The following LRIG2 variants were observed in gnomAD, a reference collection of about 807,000 sequenced individuals.
LRIG2 encodes leucine rich repeats and immunoglobulin like domains 2, also known as leucine-rich repeats and immunoglobulin-like domains protein 2.
LRIG2 carries 93 observed loss-of-function variants against 107.8 expected under a neutral mutation model. The observed-to-expected ratio is 0.86, with a 90% confidence interval of 0.73 to 1.03. The LOEUF (loss-of-function observed/expected upper bound fraction) is 1.03, where lower values mean the gene tolerates loss of function less well. LRIG2 is among the 50% of genes least tolerant of loss of function. The pLI, the probability that LRIG2 is intolerant of heterozygous loss-of-function variation, is 0.00. For missense variants in LRIG2, 1,226 were observed against 1,296.0 expected, an observed-to-expected ratio of 0.95 and a Z score of 0.83; for synonymous variants, 471 against 470.6, an observed-to-expected ratio of 1.00 and a Z score of -0.01.
intron 1 of LRIG2, among the ~76,000 whole-genome samples, chr1:113,087,416 GCA>G (rs1277747669): frequency 6.6e-6 from 1 of 152,062 alleles, no homozygotes; most frequent in Admixed American, 6.6e-5. Context: ...TGGCACGATC[GCA>G]GCTCACTGCA....
intron 1 of LRIG2, among the ~76,000 whole-genome samples, chr1:113,090,946 G>A (rs1251014100): frequency 1.3e-5 from 2 of 151,492 alleles, no homozygotes; most frequent in Non-Finnish European, 2.9e-5. Flanking sequence ...CTGCCTCCCG[G>A]GTTCAAGTAA....
chr1:113,102,159 T>A (rs1052218682), intron 11 of LRIG2, among the ~76,000 whole-genome samples: 5 of 152,190 alleles, frequency 3.3e-5, no homozygotes, highest in Admixed American at 2.6e-4. Context: ...GGAAGTAAAA[T>A]GAGTTTAGAG....
At chr1:113,106,152 C>T (rs1296533880) in intron 11 of LRIG2, among the ~76,000 whole-genome samples, 3 of 151,822 alleles carry the variant, frequency 2.0e-5, no homozygotes, top group East Asian at 2.0e-4. Context: ...CGCTTGAACC[C>T]GGGAGGCGGA....
intron 11 of LRIG2, among the ~76,000 whole-genome samples, chr1:113,105,259 A>G (rs1654486390): frequency 6.6e-6 from 1 of 152,172 alleles, no homozygotes; most frequent in African/African-American, 2.4e-5. Flanking sequence ...TCCATTCTTC[A>G]TATACTAACC....
At chr1:113,107,101 G>GT (rs1178155382) in intron 11 of LRIG2, among the ~76,000 whole-genome samples, 1 of 151,884 alleles carries the variant, frequency 6.6e-6, no homozygotes, top group Non-Finnish European at 1.5e-5. Flanking sequence ...TATATGCACA[G>GT]TTTTTTTGCT....
At position 113,102,929 on chromosome 1, in the gene LRIG2, A is replaced by G. The variant is rs1654366180; in HGVS notation, c.1313+2441A>G. On this transcript the variant is annotated intron_variant, in intron 11 of 17. Transcript: ENST00000361127. Reference sequence around the variant, plus strand: ...AAAGTAGATATTTTGATCTGTTGAGATATTTTGAGTTATTTCTCATAGGCT... The same window carrying G: ...AAAGTAGATATTTTGATCTGTTGAGGTATTTTGAGTTATTTCTCATAGGCT... 1.3e-5 allele frequency among the ~76,000 whole-genome samples: 2 copies of G among 152,188 alleles called. 1 individual carries two copies. Among genetic ancestry groups the G allele is most frequent in the Middle Eastern group, 6.8e-3 (2 of 294 alleles).
chr1:113,077,374 T>G (rs1198878081), intron 1 of LRIG2, among the ~76,000 whole-genome samples: 2 of 152,128 alleles, frequency 1.3e-5, no homozygotes, highest in Non-Finnish European at 2.9e-5. Context: ...ACTCCTGACC[T>G]CAGGTGATCC....
At chr1:113,083,345 CTT>C (rs10641659) in intron 1 of LRIG2, among the ~76,000 whole-genome samples, 4 of 109,034 alleles carry the variant, frequency 3.7e-5, no homozygotes, top group Admixed American at 1.1e-4. Context: ...TGGCTGCTCA[CTT>C]TTTTTTTTTT....
At position 113,124,309 on chromosome 1, in the gene LRIG2, A is replaced by C. The variant is rs1353155327; in HGVS notation, c.*208A>C. 28 of 587,728 alleles carry C rather than the reference A, an allele frequency of 4.8e-5. No individual in the cohort carries two copies. In the East Asian group the frequency reaches 8.0e-4, roughly 17 times the overall value. 36.4% of individuals were successfully genotyped at this position (587,728 alleles called of 1,614,324 possible). A position where few individuals can be genotyped will look rare whatever the true frequency, so the allele number is the denominator to read the frequency against. On this transcript the variant is annotated 3_prime_UTR_variant, in exon 18 of 18. Coordinates refer to ENST00000361127, the MANE Select transcript of LRIG2 (RefSeq NM_014813.3). ...CTGACAGAAATGGGTACAGCTCATC[A>C]AAAATGTGCAGCACCGGCAGAGGGA...
At position 113,100,474 on chromosome 1, in the gene LRIG2, T is replaced by C. The variant is rs148414072; in HGVS notation, c.1299T>C (p.Thr433=). The C allele has an allele frequency of 5.4e-4, 821 of 1,513,722 alleles. 1 individual carries two copies. Among genetic ancestry groups the C allele is most frequent in the South Asian group, 1.4e-3 (125 of 87,134 alleles). 93.8% of individuals were successfully genotyped at this position (1,513,722 alleles called of 1,614,324 possible). Residue 433 remains threonine (T), a synonymous_variant, in exon 11 of 18, where the codon ACT becomes ACC. Transcript: ENST00000361127. ...TCCAAGAAAATGCTTTTTCTCAGAC[T>C]CATTTAAAAGAACTGTAAGTAACTT... ...MSIQENAFSQ[T]HLKELILNTS...
Position 113,112,756 on chromosome 1 carries a change from G to A in LRIG2, c.2076G>A (p.Val692=), listed in dbSNP as rs1380934380. 4.4e-6 allele frequency: 7 copies of A among 1,597,808 alleles called. No homozygotes were observed. Among genetic ancestry groups the A allele is most frequent in the Non-Finnish European group, 6.0e-6 (7 of 1,166,696 alleles). ...TCTCAGCAAATGCTTCCCTAACAGTGTTAGGTACGTTTACTGCTCCATGGG... is the reference window on the plus strand; with the variant it reads ...TCTCAGCAAATGCTTCCCTAACAGTATTAGGTACGTTTACTGCTCCATGGG... ...GGLSANASLT[V]LETPSFIRPL... is the part of the protein sequence containing the mutation. The change falls in exon 14 of 18, where the codon GTG becomes GTA. Residue 692 remains valine, a synonymous_variant. Transcript: ENST00000361127.
rs1655698985 is a variant in LRIG2, at chr1:113,131,438, T to C, written c.*7337T>C. On this transcript the variant is annotated 3_prime_UTR_variant, in exon 18 of 18. Coordinates refer to ENST00000361127, the MANE Select transcript of LRIG2 (RefSeq NM_014813.3). The stretch of plus-strand genomic sequence containing the variant: ...CTGTCATTTTATGCCACATCCTCTT[T>C]TCTTACTTTGCTTCTTGATACAGAT... The C allele has an allele frequency of 2.6e-5, 4 of 152,214 alleles. No homozygotes were observed. The highest frequency in any genetic ancestry group is 4.4e-5 in the Non-Finnish European group (3 of 68,042). The allele number at this position is 152,214 out of a possible 1,614,324, so 9.4% of individuals were successfully genotyped here. A position where few individuals can be genotyped will look rare whatever the true frequency, so the allele number is the denominator to read the frequency against.
At chr1:113,108,909 T>C (rs894623010) in intron 12 of LRIG2, among the ~76,000 whole-genome samples, 1 of 152,154 alleles carries the variant, frequency 6.6e-6, no homozygotes, top group Non-Finnish European at 1.5e-5. Context: ...TAAAGTGGAA[T>C]GACTGATTCT....
At chr1:113,090,897 G>A (rs1653788359) in intron 1 of LRIG2, among the ~76,000 whole-genome samples, 1 of 150,136 alleles carries the variant, frequency 6.7e-6, no homozygotes, top group African/African-American at 2.4e-5. Flanking sequence ...TGTCACCTAC[G>A]CTGGAGTACA....
At chr1:113,100,575 T>C (rs1405412336) in intron 11 of LRIG2, 87 bp downstream of exon 11, 3 of 734,558 alleles carry the variant, frequency 4.1e-6, no homozygotes, top group Non-Finnish European at 4.7e-6. Context: ...ACCCAAGTTA[T>C]TTCCAAAAGC....
chr1:113,114,774 A>C lies in LRIG2; in HGVS notation c.2428A>C (p.Ile810Leu). 1 of 1,614,146 alleles carries C rather than the reference A, an allele frequency of 6.2e-7. No homozygotes were observed. The highest frequency in any genetic ancestry group is 1.1e-5 in the South Asian group (1 of 91,084). ...TGGCTGGACCACAGTTGGCATTGTCATCATTGTTGTGGTCTGCTGTGTTGT... is the reference window on the plus strand; with the variant it reads ...TGGCTGGACCACAGTTGGCATTGTCCTCATTGTTGTGGTCTGCTGTGTTGT... ...DDGWTTVGIV[I>L]IVVVCCVVGT... Residue 810 changes from isoleucine to leucine, a missense_variant, in exon 15 of 18, where the codon ATC (isoleucine) becomes CTC (leucine). Physicochemically the swap from Ile to Leu is conservative, Grantham distance 5. Coordinates refer to ENST00000361127, the MANE Select transcript of LRIG2 (RefSeq NM_014813.3).
chr1:113,073,298 G>C lies in LRIG2; in HGVS notation c.-109G>C. The C allele has an allele frequency of 2.2e-6, 2 of 898,302 alleles. No individual in the cohort carries two copies. The highest frequency in any genetic ancestry group is 1.8e-6 in the Non-Finnish European group (1 of 559,376). 55.6% of individuals were successfully genotyped at this position (898,302 alleles called of 1,614,324 possible). On this transcript the variant is annotated 5_prime_UTR_variant, in exon 1 of 18. Transcript: ENST00000361127. Reference sequence around the variant, plus strand: ...CCTTTAGATGGTACAGCCTTCAGCCGGGGCTTCGGGAGACAGTGCAGCCAC... The same window carrying C: ...CCTTTAGATGGTACAGCCTTCAGCCCGGGCTTCGGGAGACAGTGCAGCCAC...
chr1:113,093,285 G>C lies in LRIG2; in HGVS notation c.380+5G>C. On this transcript the variant is annotated splice_donor_5th_base_variant and intron_variant, in intron 3 of 17. Coordinates refer to ENST00000361127, the MANE Select transcript of LRIG2 (RefSeq NM_014813.3). ...TAATATTACTCTACTTTCATTGTAA[G>C]TTAGTAAGTTTTCAGGTTTTTTACT... 1.3e-6 allele frequency: 2 copies of C among 1,575,842 alleles called. No homozygotes were observed. Among genetic ancestry groups the C allele is most frequent in the Non-Finnish European group, 1.7e-6 (2 of 1,159,976 alleles).
chr1:113,088,391 T>C (rs1237280299), intron 1 of LRIG2, among the ~76,000 whole-genome samples: 1 of 152,234 alleles, frequency 6.6e-6, no homozygotes, highest in African/African-American at 2.4e-5. Flanking sequence ...TACTAAGTTA[T>C]TTATAACGTA....
Sources: gnomAD v4.1 joint callset for allele counts (sites outside exome capture counted in the v4.1 genomes callset) on GRCh38, gnomAD v4.1.1 for gene constraint, MANE v1.5 for transcripts, NCBI Gene and HGNC (gene_info 2026-07-23, HGNC 2026-07-21) for gene names.